The following CADM2 variants were observed in gnomAD, a reference collection of about 807,000 sequenced individuals.
The protein encoded by CADM2 is immunoglobulin superfamily member 4D.
In CADM2, 12 loss-of-function variants were observed where a neutral mutation model predicts 49.8. That is an observed-to-expected ratio of 0.24 (90% CI 0.15 to 0.39). The LOEUF is 0.39. Ranked by LOEUF, CADM2 falls within the 10% of genes least tolerant of loss-of-function variation. The probability of loss-of-function intolerance (pLI) is 1.00; values close to 1 mark genes in which losing one functional copy is unlikely to be tolerated. For synonymous variants in CADM2, 214 were observed against 175.4 expected, an observed-to-expected ratio of 1.22 and a Z score of -1.74; for missense variants, 378 against 492.3, an observed-to-expected ratio of 0.77 and a Z score of 2.20.
intron 1 of CADM2, among the ~76,000 whole-genome samples, chr3:85,420,781 C>T (rs1576521899): frequency 1.3e-5 from 2 of 152,230 alleles, no homozygotes; most frequent in East Asian, 3.9e-4. Context: ...AAGGATGACT[C>T]AGAATGTGAT....
At chr3:85,595,844 T>C (rs1294908085) in intron 1 of CADM2, among the ~76,000 whole-genome samples, 1 of 151,986 alleles carries the variant, frequency 6.6e-6, no homozygotes, top group Non-Finnish European at 1.5e-5. Context: ...TTACACTTTT[T>C]TTCTTTTGGT....
intron 1 of CADM2, among the ~76,000 whole-genome samples, chr3:85,219,944 A>C (rs1389699329): frequency 6.6e-6 from 1 of 152,158 alleles, no homozygotes; most frequent in African/African-American, 2.4e-5. Context: ...GTTTTGAATA[A>C]GTAAGTATGC....
At chr3:85,390,333 A>T in intron 1 of CADM2, among the ~76,000 whole-genome samples, 1 of 152,210 alleles carries the variant, frequency 6.6e-6, no homozygotes, top group African/African-American at 2.4e-5. Context: ...TTACTTAATC[A>T]ATTGCACTTC....
At chr3:85,844,485 A>G (rs149775283) in intron 3 of CADM2, among the ~76,000 whole-genome samples, 10 of 152,286 alleles carry the variant, frequency 6.6e-5, no homozygotes, top group African/African-American at 2.4e-4. Context: ...TAAAATGAAG[A>G]AAGAAACAAT....
intron 1 of CADM2, among the ~76,000 whole-genome samples, chr3:84,983,129 T>C (rs970278122): frequency 6.6e-6 from 1 of 152,304 alleles, no homozygotes; most frequent in Admixed American, 6.5e-5. Flanking sequence ...ATTTATATTT[T>C]CATATATCCT....
intron 8 of CADM2, among the ~76,000 whole-genome samples, chr3:85,976,431 G>A (rs1298570237): frequency 6.6e-6 from 1 of 151,474 alleles, no homozygotes; most frequent in Non-Finnish European, 1.5e-5. Flanking sequence ...ATCTTACATC[G>A]TTCAATTTTA....
intron 1 of CADM2, among the ~76,000 whole-genome samples, chr3:85,284,772 A>G (rs1387323607): frequency 6.6e-6 from 1 of 151,990 alleles, no homozygotes; most frequent in Non-Finnish European, 1.5e-5. Context: ...GTTTTGTAGG[A>G]CCTTGTAGGC....
At chr3:85,584,467 G>A (rs2062882002) in intron 1 of CADM2, among the ~76,000 whole-genome samples, 1 of 151,914 alleles carries the variant, frequency 6.6e-6, no homozygotes, top group Non-Finnish European at 1.5e-5. Flanking sequence ...TTAACTACTT[G>A]GTTTTATTTG....
chr3:85,070,988 C>CAATAAATAAATA lies in CADM2; in HGVS notation c.61+111343_61+111354dup, dbSNP rs375122307. ...TGGGCAATAGAGCGAAACTCTGTCT[C>CAATAAATAAATA]AATAAATAAATAAATAAATAAATAA... On this transcript the variant is annotated intron_variant, in intron 1 of 9. Coordinates refer to ENST00000383699, the MANE Select transcript of CADM2 (RefSeq NM_001167675.2). Among the ~76,000 whole-genome samples the CAATAAATAAATA allele has an allele frequency of 3.4e-3, 485 of 143,346 alleles. 3 individuals carry two copies. Among genetic ancestry groups the CAATAAATAAATA allele is most frequent in the African/African-American group, 5.1e-3 (198 of 38,914 alleles). The allele number at this position is 143,346 out of a possible 152,430, so 94.0% of individuals were successfully genotyped here. A position where few individuals can be genotyped will look rare whatever the true frequency, so the allele number is the denominator to read the frequency against.
At chr3:85,356,351 T>C (rs9822731) in intron 1 of CADM2, among the ~76,000 whole-genome samples, 25,220 of 151,878 alleles carry the variant, frequency 0.17, 2,620 homozygotes, top group Non-Finnish European at 0.23. Context: ...AAGGAAGAGC[T>C]GTGGTGAGAT....
At chr3:85,964,703 T>A (rs981375671) in intron 8 of CADM2, among the ~76,000 whole-genome samples, 14 of 151,712 alleles carry the variant, frequency 9.2e-5, no homozygotes, top group Non-Finnish European at 1.9e-4. Flanking sequence ...AGATTAAACA[T>A]CTTGCTTAAG....
intron 1 of CADM2, among the ~76,000 whole-genome samples, chr3:85,474,515 A>G (rs952048591): frequency 2.1e-4 from 32 of 152,018 alleles, no homozygotes; most frequent in African/African-American, 7.5e-4. Flanking sequence ...ATATGAGACC[A>G]AATAGCTGGG....
At position 85,060,846 on chromosome 3, in the gene CADM2, TA is replaced by T. The variant is rs1291445333; in HGVS notation, c.61+101181del. On this transcript the variant is annotated intron_variant, in intron 1 of 9. Transcript: ENST00000383699. ...AACTTAGAATTAACAAGAATATTTA[TA>T]AAGTGAATAGACACGAGATCAACAT... 6.6e-5 allele frequency among the ~76,000 whole-genome samples: 10 copies of T among 152,238 alleles called. No homozygotes were observed. In the East Asian group the frequency reaches 1.7e-3, roughly 26 times the overall value.
At position 85,799,395 on chromosome 3, in the gene CADM2, T is replaced by C. The variant is rs1251540086; in HGVS notation, c.89-2652T>C. The stretch of plus-strand genomic sequence containing the variant: ...CAGCTTTTGCCCATTCATTATGATA[T>C]TGGCTGTGGGTTTGCCATAAGTAGC... On this transcript the variant is annotated intron_variant, in intron 2 of 9. Coordinates refer to ENST00000383699, the MANE Select transcript of CADM2 (RefSeq NM_001167675.2). 7.9e-4 allele frequency among the ~76,000 whole-genome samples: 121 copies of C among 152,310 alleles called. 1 individual carries two copies. Among genetic ancestry groups the C allele is most frequent in the Non-Finnish European group, 8.8e-5 (6 of 68,032 alleles).
chr3:86,057,626 T>G (rs1738144653), intron 8 of CADM2, among the ~76,000 whole-genome samples: 1 of 152,164 alleles, frequency 6.6e-6, no homozygotes, highest in Non-Finnish European at 1.5e-5. Flanking sequence ...AAAACATATC[T>G]TTGGGGGAAG....
intron 1 of CADM2, among the ~76,000 whole-genome samples, chr3:85,491,390 G>A (rs1246115802): frequency 6.6e-6 from 1 of 152,094 alleles, no homozygotes; most frequent in Non-Finnish European, 1.5e-5. Flanking sequence ...TTGAATTTAT[G>A]TCCATAAAAG....
At chr3:85,590,511 G>A (rs2063075967) in intron 1 of CADM2, among the ~76,000 whole-genome samples, 1 of 152,080 alleles carries the variant, frequency 6.6e-6, no homozygotes, top group East Asian at 1.9e-4. Flanking sequence ...TTGAAAGCAA[G>A]ACTGTTGGAA....
intron 1 of CADM2, among the ~76,000 whole-genome samples, chr3:85,621,731 C>A (rs537797960): frequency 6.6e-6 from 1 of 152,204 alleles, no homozygotes; most frequent in African/African-American, 2.4e-5. Flanking sequence ...GGATAATGAA[C>A]ACACGGTTTT....
chr3:85,295,098 AAAAC>A (rs1243628511), intron 1 of CADM2, among the ~76,000 whole-genome samples: 2 of 152,176 alleles, frequency 1.3e-5, no homozygotes, highest in African/African-American at 4.8e-5. Flanking sequence ...TTAGAAGAAA[AAAAC>A]AAACAACCCC....
Sources: allele counts gnomAD v4.1 joint callset (sites outside exome capture counted in the v4.1 genomes callset), GRCh38; gene constraint gnomAD v4.1.1; transcripts MANE v1.5; gene names NCBI Gene and HGNC (gene_info 2026-07-23, HGNC 2026-07-21).